PLEKHA2: variants seen among roughly 807,000 people sequenced by gnomAD.
The protein encoded by PLEKHA2 is pleckstrin homology domain-containing family A member 2.
Under a neutral mutation model 53.2 loss-of-function variants are expected in PLEKHA2, and 28 were observed. The ratio of observed to expected loss-of-function variants is 0.53; its 90% CI spans 0.39 to 0.72. The LOEUF is 0.72. Among genes scored for constraint, PLEKHA2 ranks in the 30% least tolerant of loss-of-function variants. The pLI, the probability that PLEKHA2 is intolerant of heterozygous loss-of-function variation, is 0.00. For synonymous variants in PLEKHA2, 193 were observed against 196.4 expected (o/e 0.98, Z 0.14); for missense variants, 426 against 537.9 (o/e 0.79, Z 2.06).
intron 1 of PLEKHA2, among the ~76,000 whole-genome samples, chr8:38,908,937 G>A (rs1833917176): frequency 6.6e-6 from 1 of 152,148 alleles, no homozygotes. Context: ...GATGTCAGGA[G>A]ATCGAGACCA....
At chr8:38,957,594 T>A (rs1191918689) in intron 10 of PLEKHA2, among the ~76,000 whole-genome samples, 2 of 152,232 alleles carry the variant, frequency 1.3e-5, no homozygotes, top group African/African-American at 4.8e-5. Context: ...GAAAGCAGGT[T>A]GAGCCGCTCT....
In PLEKHA2 at chr8:38,968,597, C is replaced by T. The variant is rs1835183226; in HGVS notation, c.843C>T (p.Asp281=). 6.2e-7 allele frequency: 1 copy of T among 1,613,756 alleles called. No individual in the cohort carries two copies. Among genetic ancestry groups the T allele is most frequent in the Non-Finnish European group, 8.5e-7 (1 of 1,179,850 alleles). ...GAGCCATGGATGTTTTGCAGGCAGA[C>T]AGTCCAGAAGACATGCACAGCTGGA... The part of the protein sequence containing the change: ...TSSRTFYVQA[D]SPEDMHSWIK... Residue 281 remains aspartate (D), a synonymous_variant, in exon 11 of 12, where the codon GAC becomes GAT. Transcript: ENST00000617275.
At chr8:38,969,221 T>A (rs974022271) in intron 11 of PLEKHA2, among the ~76,000 whole-genome samples, 200 bp from the exon 12 acceptor site, 1 of 152,142 alleles carries the variant, frequency 6.6e-6, no homozygotes, top group South Asian at 2.1e-4. Flanking sequence ...ATTTCTGATA[T>A]GTCCTGCAAG....
In PLEKHA2 at chr8:38,969,716, A is replaced by G; in HGVS notation, c.1211A>G (p.Gln404Arg). 3 of 1,532,426 alleles carry G rather than the reference A, an allele frequency of 2.0e-6. No individual in the cohort carries two copies. Among genetic ancestry groups the G allele is most frequent in the Non-Finnish European group, 2.6e-6 (3 of 1,136,090 alleles). The allele number at this position is 1,532,426 out of a possible 1,614,324, so 94.9% of individuals were successfully genotyped here. A position where few individuals can be genotyped will look rare whatever the true frequency, so the allele number is the denominator to read the frequency against. The change falls in exon 12 of 12, where the codon CAG becomes CGG. Residue 404 changes from glutamine to arginine, a missense_variant. Transcript: ENST00000617275. The stretch of plus-strand genomic sequence containing the variant: ...CGGATAAGGCACAGATCGGAGCCCC[A>G]GCACCCCAAGGAGAAGCCGTTTATG... ...SSRIRHRSEP[Q>R]HPKEKPFMFN...
chr8:38,950,904 G>T lies in PLEKHA2; in HGVS notation c.400G>T (p.Ala134Ser). Reference sequence around the variant, plus strand: ...CACTGAAGTTCTCAAGAGCTTAGCAGCTCCTCCAGCCCTGGAGAAGAAGCC... The same window carrying T: ...CACTGAAGTTCTCAAGAGCTTAGCATCTCCTCCAGCCCTGGAGAAGAAGCC... Reference protein sequence around the residue: ...MTTEVLKSLAAPPALEKKPQV... With the variant: ...MTTEVLKSLASPPALEKKPQV... The change falls in exon 6 of 12, where the codon GCT (alanine) becomes TCT (serine). Residue 134 changes from alanine to serine, a missense_variant. Transcript: ENST00000617275. 1 of 1,613,994 alleles carries T rather than the reference G, an allele frequency of 6.2e-7. No individual in the cohort carries two copies. Among genetic ancestry groups the T allele is most frequent in the Non-Finnish European group, 8.5e-7 (1 of 1,179,878 alleles).
chr8:38,951,304 C>G (rs1473122934), intron 6 of PLEKHA2, among the ~76,000 whole-genome samples: 2 of 152,136 alleles, frequency 1.3e-5, no homozygotes, highest in African/African-American at 4.8e-5. Context: ...GCAAACAAGG[C>G]TGGAAACCAG....
chr8:38,920,857 A>G (rs890218690), intron 2 of PLEKHA2, among the ~76,000 whole-genome samples: 7 of 150,752 alleles, frequency 4.6e-5, no homozygotes, highest in African/African-American at 1.5e-4. Flanking sequence ...CTGGAGTGCA[A>G]TGGCGCGATC....
intron 1 of PLEKHA2, among the ~76,000 whole-genome samples, chr8:38,906,818 G>A (rs1416673523): frequency 6.6e-6 from 1 of 152,098 alleles, no homozygotes; most frequent in African/African-American, 2.4e-5. Context: ...GCTCTGGTTG[G>A]CTTCACAATA....
chr8:38,965,739 A>G (rs1835124028), intron 10 of PLEKHA2, among the ~76,000 whole-genome samples: 1 of 152,168 alleles, frequency 6.6e-6, no homozygotes, highest in Non-Finnish European at 1.5e-5. Flanking sequence ...GGAGAGGGCA[A>G]TGCGCTTATC....
At chr8:38,934,406 AC>A (rs1252280990) in intron 2 of PLEKHA2, among the ~76,000 whole-genome samples, 1 of 151,634 alleles carries the variant, frequency 6.6e-6, no homozygotes, top group Admixed American at 6.6e-5. Flanking sequence ...CTTTGAGAGG[AC>A]CCCAGGTAAT....
chr8:38,952,030 G>A lies in PLEKHA2; in HGVS notation c.487-136G>A, dbSNP rs1390398137. 72 of 1,150,134 alleles carry A rather than the reference G, an allele frequency of 6.3e-5. No individual in the cohort carries two copies. The Middle Eastern group carries it at 1.8e-3, about 28-fold the overall frequency. 71.2% of individuals were successfully genotyped at this position (1,150,134 alleles called of 1,614,324 possible). A position where few individuals can be genotyped will look rare whatever the true frequency, so the allele number is the denominator to read the frequency against. On this transcript the variant is annotated intron_variant, in intron 6 of 11. Transcript: ENST00000617275. Reference sequence around the variant, plus strand: ...CTCCCAAAGTGTTGGGATTACAGGCGTGAGCCACTGTGCCCACCATTTATT... The same window carrying A: ...CTCCCAAAGTGTTGGGATTACAGGCATGAGCCACTGTGCCCACCATTTATT...
intron 2 of PLEKHA2, among the ~76,000 whole-genome samples, chr8:38,925,443 A>G (rs1834268955): frequency 6.6e-6 from 1 of 152,226 alleles, no homozygotes; most frequent in South Asian, 2.1e-4. Context: ...GAAGCGTGAA[A>G]CACAATATTG....
chr8:38,909,125 A>C (rs1833919985), intron 1 of PLEKHA2, among the ~76,000 whole-genome samples: 1 of 151,566 alleles, frequency 6.6e-6, no homozygotes, highest in Admixed American at 6.6e-5. Flanking sequence ...CCTGGGCGAC[A>C]GAGCGAGACT....
chr8:38,940,654 G>GA lies in PLEKHA2; in HGVS notation c.199-3135_199-3134insA, dbSNP rs1384483151. Among the ~76,000 whole-genome samples, 8 of 108,566 alleles carry GA rather than the reference G, an allele frequency of 7.4e-5. No homozygotes were observed. The East Asian group carries it at 2.0e-3, about 27-fold the overall frequency. The allele number at this position is 108,566 out of a possible 152,430, so 71.2% of individuals were successfully genotyped here. ...CCGTGGTCCAGATTGAAGGGGCGGG[G>GA]GGGGGGGGTCAGAAACCCAGGAAGC... is the stretch of plus-strand genomic sequence containing the variant. On this transcript the variant is annotated intron_variant, in intron 3 of 11. Coordinates refer to ENST00000617275, the MANE Select transcript of PLEKHA2 (RefSeq NM_021623.2).
intron 10 of PLEKHA2, among the ~76,000 whole-genome samples, chr8:38,960,180 G>A (rs542520485): frequency 6.6e-6 from 1 of 152,268 alleles, no homozygotes; most frequent in Non-Finnish European, 1.5e-5. Context: ...ACATTTCTGG[G>A]ATAAGAGAAC....
chr8:38,959,508 CT>C (rs1459056202), intron 10 of PLEKHA2, among the ~76,000 whole-genome samples: 1 of 152,160 alleles, frequency 6.6e-6, no homozygotes, highest in Non-Finnish European at 1.5e-5. Context: ...ACTTCAGTGC[CT>C]GTTTTCCTCA....
intron 9 of PLEKHA2, among the ~76,000 whole-genome samples, chr8:38,955,034 CAAAT>C (rs1039523045): frequency 1.3e-5 from 2 of 152,064 alleles, no homozygotes; most frequent in African/African-American, 4.8e-5. Context: ...AACTCTGTCT[CAAAT>C]AAATAAATAA....
At chr8:38,927,821 G>A (rs759265541) in intron 2 of PLEKHA2, among the ~76,000 whole-genome samples, 6 of 152,148 alleles carry the variant, frequency 3.9e-5, no homozygotes, top group South Asian at 4.1e-4. Flanking sequence ...GATGTTATCT[G>A]TTAAGAAAGT....
intron 3 of PLEKHA2, among the ~76,000 whole-genome samples, chr8:38,940,700 C>T (rs1834594551): frequency 1.4e-5 from 2 of 147,980 alleles, no homozygotes; most frequent in Non-Finnish European, 3.0e-5. Context: ...GGGGCCTGGA[C>T]TATTGTGTTA....
Sources: gnomAD v4.1 joint callset for allele counts (sites outside exome capture counted in the v4.1 genomes callset) on GRCh38, gnomAD v4.1.1 for gene constraint, MANE v1.5 for transcripts, NCBI Gene and HGNC (gene_info 2026-07-23, HGNC 2026-07-21) for gene names.